PDE10A: variants seen among roughly 807,000 people sequenced by gnomAD.
PDE10A encodes the protein cAMP and cAMP-inhibited cGMP 3',5'-cyclic phosphodiesterase 10A.
A neutral mutation model predicts 97.7 loss-of-function variants in PDE10A; 39 were observed. The observed-to-expected ratio is 0.40, with a 90% CI of 0.31 to 0.52. The LOEUF (loss-of-function observed/expected upper bound fraction) is 0.52, where lower values mean the gene tolerates loss of function less well. PDE10A is among the 20% of genes least tolerant of loss of function. The probability of loss-of-function intolerance (pLI) is 0.56; values close to 1 mark genes in which losing one functional copy is unlikely to be tolerated. For missense variants in PDE10A, 731 were observed against 1,047.8 expected, an observed-to-expected ratio of 0.70 and a Z score of 4.17; for synonymous variants, 371 against 376.8, an observed-to-expected ratio of 0.98 and a Z score of 0.18.
intron 4 of PDE10A, among the ~76,000 whole-genome samples, chr6:165,450,034 T>A (rs770622679): frequency 1.6e-4 from 25 of 152,230 alleles, no homozygotes; most frequent in Non-Finnish European, 2.9e-4. Flanking sequence ...ATCAGGCAGA[T>A]ACTTATTTGG....
intron 1 of PDE10A, among the ~76,000 whole-genome samples, chr6:165,886,310 C>CCCTGGAA (rs1781631833): frequency 6.7e-6 from 1 of 148,382 alleles, no homozygotes; most frequent in Admixed American, 6.7e-5. Context: ...GAGCCCTGGA[C>CCCTGGAA]CCCTGGAATA....
chr6:165,811,374 C>T (rs372004329), intron 1 of PDE10A, among the ~76,000 whole-genome samples: 26 of 152,256 alleles, frequency 1.7e-4, no homozygotes, highest in African/African-American at 5.3e-4. Flanking sequence ...ATGCAGGCCA[C>T]GCTAGCCTCT....
intron 1 of PDE10A, chr6:165,894,673 T>G (rs1262332238): frequency 2.7e-6 from 1 of 372,654 alleles, no homozygotes; most frequent in African/African-American, 2.1e-5. Context: ...CATAGCACCT[T>G]GAGGATTCTT....
At chr6:165,901,445 G>A (rs569861022) in intron 1 of PDE10A, among the ~76,000 whole-genome samples, 9 of 152,234 alleles carry the variant, frequency 5.9e-5, no homozygotes, top group East Asian at 5.8e-4. Context: ...TCAGGGCTCC[G>A]GGTCTCACGT....
At chr6:165,623,306 C>T (rs980366661) in intron 1 of PDE10A, among the ~76,000 whole-genome samples, 2 of 152,086 alleles carry the variant, frequency 1.3e-5, no homozygotes, top group Non-Finnish European at 2.9e-5. Context: ...TTAGTAGAGA[C>T]AGGGTTTCGC....
At chr6:165,566,841 T>C (rs1482044759) in intron 1 of PDE10A, among the ~76,000 whole-genome samples, 4 of 152,338 alleles carry the variant, frequency 2.6e-5, no homozygotes, top group Admixed American at 2.0e-4. Flanking sequence ...CTTACTGTCA[T>C]ACACTATTAG....
chr6:165,356,357 T>C (rs1474441079), intron 18 of PDE10A, among the ~76,000 whole-genome samples: 1 of 152,188 alleles, frequency 6.6e-6, no homozygotes, highest in African/African-American at 2.4e-5. Context: ...AAATTCCATG[T>C]GTTTATTGGC....
Position 165,329,716 on chromosome 6 carries a change from A to G in PDE10A, c.*3309T>C, listed in dbSNP as rs1781235537. On this transcript the variant is annotated 3_prime_UTR_variant, in exon 22 of 22. Transcript: ENST00000539869. ...CATGCCAAAAAAGAGGAAATCTATT[A>G]TTGAACACATCTAGTTTCCAATTAG... 6.6e-6 allele frequency: 1 copy of G among 152,246 alleles called. No individual in the cohort carries two copies. Among genetic ancestry groups the G allele is most frequent in the Non-Finnish European group, 1.5e-5 (1 of 68,028 alleles). 9.4% of individuals were successfully genotyped at this position (152,246 alleles called of 1,614,324 possible). A position where few individuals can be genotyped will look rare whatever the true frequency, so the allele number is the denominator to read the frequency against.
chr6:165,921,639 A>T (rs897039279), intron 1 of PDE10A, among the ~76,000 whole-genome samples: 3 of 152,192 alleles, frequency 2.0e-5, no homozygotes, highest in Non-Finnish European at 4.4e-5. Flanking sequence ...AGGCAGTGAT[A>T]CCTGGAAAGA....
chr6:165,415,765 A>G (rs577265918), intron 12 of PDE10A, among the ~76,000 whole-genome samples: 1 of 152,200 alleles, frequency 6.6e-6, no homozygotes, highest in Non-Finnish European at 1.5e-5. Context: ...AGAGCTAAGA[A>G]ATGACAGAAC....
In PDE10A at chr6:165,457,781, T is replaced by C. The variant is rs575420785; in HGVS notation, c.1024-7419A>G. On this transcript the variant is annotated intron_variant, in intron 3 of 21. Coordinates refer to ENST00000539869, the MANE Select transcript of PDE10A (RefSeq NM_001385079.1). ...ATGGTAATGAACAAATCAGTGTTAA[T>C]TGTTGGTTCAGAAAGAAAAGTAAAA... Among the ~76,000 whole-genome samples, 4 of 150,954 alleles carry C rather than the reference T, an allele frequency of 2.6e-5. No individual in the cohort carries two copies. In the South Asian group the frequency reaches 6.3e-4, roughly 24 times the overall value.
At chr6:165,830,800 AAC>A (rs1233418709) in intron 1 of PDE10A, among the ~76,000 whole-genome samples, 5 of 152,198 alleles carry the variant, frequency 3.3e-5, no homozygotes, top group South Asian at 2.1e-4. Context: ...TTGTGCCAAT[AAC>A]ACACGCTCTT....
chr6:165,440,802 C>T (rs1216098549), intron 5 of PDE10A, among the ~76,000 whole-genome samples: 1 of 150,258 alleles, frequency 6.7e-6, no homozygotes, highest in East Asian at 1.9e-4. Context: ...TTTAAAATAA[C>T]CTATATATAT....
chr6:165,947,050 C>T (rs1783794891), intron 1 of PDE10A: 1 of 152,180 alleles, frequency 6.6e-6, no homozygotes. Context: ...CCAGTCAAGG[C>T]CCATTCATTG....
Position 165,418,672 on chromosome 6 carries a change from C to G in PDE10A, c.1759G>C (p.Glu587Gln). The G allele has an allele frequency of 1.2e-6, 2 of 1,613,620 alleles. No individual in the cohort carries two copies. Among genetic ancestry groups the G allele is most frequent in the Non-Finnish European group, 1.7e-6 (2 of 1,179,824 alleles). The change falls in exon 11 of 22, where the codon GAA (glutamate) becomes CAA (glutamine). Residue 587 changes from glutamate to glutamine, a missense_variant. Glu to Gln is a conservative substitution (Grantham distance 29, BLOSUM62 2). Transcript: ENST00000539869. The surrounding 1 kb of genome is among the most constrained non-coding windows in gnomAD (Gnocchi z 4.8). The stretch of plus-strand genomic sequence containing the variant: ...GTCTTCTTGAAGACAGGTTTTCCTT[C>G]CTTTTCCTCTCCAATATCAAAAAGG... ...SDLFDIGEEK[E>Q]GKPVFKKTKE...
At position 165,330,878 on chromosome 6, in the gene PDE10A, G is replaced by A. The variant is rs957180012; in HGVS notation, c.*2147C>T. The stretch of plus-strand genomic sequence containing the variant: ...TAAACTAACTTTTGTGACTAAAGCT[G>A]TGTTTGGTAGACTCCAGCTTCATAA... On this transcript the variant is annotated 3_prime_UTR_variant, in exon 22 of 22. Coordinates refer to ENST00000539869, the MANE Select transcript of PDE10A (RefSeq NM_001385079.1). 6.6e-5 allele frequency: 10 copies of A among 152,148 alleles called. No individual in the cohort carries two copies. The highest frequency in any genetic ancestry group is 1.9e-4 in the African/African-American group (8 of 41,438). 9.4% of individuals were successfully genotyped at this position (152,148 alleles called of 1,614,324 possible). A position where few individuals can be genotyped will look rare whatever the true frequency, so the allele number is the denominator to read the frequency against.
upstream of PDE10A, among the ~76,000 whole-genome samples, chr6:165,663,841 C>G (rs1445512648): frequency 3.9e-5 from 6 of 152,218 alleles, no homozygotes; most frequent in Non-Finnish European, 7.3e-5. Flanking sequence ...ATGCGGCTCT[C>G]TTGGACACCC....
chr6:165,601,811 T>C (rs1478999306), intron 1 of PDE10A, among the ~76,000 whole-genome samples: 1 of 152,194 alleles, frequency 6.6e-6, no homozygotes, highest in African/African-American at 2.4e-5. Context: ...TATAATTACA[T>C]AGCCTCCTCT....
rs74883618 is a variant in PDE10A, at chr6:165,970,094, G to A, written c.-615+17435C>T. On this transcript the variant is annotated intron_variant, in intron 1 of 19. Transcript: ENST00000366882. ...TATTTCCCCCAGCAGGCATCACTTCGATCTAACCATGAGTATATACCAAAA... is the reference window on the plus strand; with the variant it reads ...TATTTCCCCCAGCAGGCATCACTTCAATCTAACCATGAGTATATACCAAAA... Among the ~76,000 whole-genome samples the A allele has an allele frequency of 7.6e-3, 1,162 of 152,200 alleles. 20 individuals carry two copies. The highest frequency in any genetic ancestry group is 0.027 in the African/African-American group (1,102 of 41,514).
Sources: allele counts gnomAD v4.1 joint callset (sites outside exome capture counted in the v4.1 genomes callset), GRCh38; gene constraint gnomAD v4.1.1; non-coding constraint Gnocchi (gnomAD v3.1); transcripts MANE v1.5; gene names NCBI Gene and HGNC (gene_info 2026-07-23, HGNC 2026-07-21).